The following SUMF1 variants were observed in gnomAD, a reference collection of about 807,000 sequenced individuals.
The protein encoded by SUMF1 is formylglycine-generating enzyme.
In SUMF1, 48 loss-of-function variants were observed where a neutral mutation model predicts 47.6. The observed-to-expected ratio is 1.01, with a 90% CI of 0.80 to 1.28. SUMF1 has a LOEUF of 1.28. SUMF1 is among the 50% of genes most tolerant of loss of function. The pLI, the probability that SUMF1 is intolerant of heterozygous loss-of-function variation, is 0.00. For synonymous variants in SUMF1, 230 were observed against 192.1 expected (o/e 1.20, Z -1.63); for missense variants, 571 against 485.4 (o/e 1.18, Z -1.66).
At chr3:4,260,321 G>C (rs1440004752) in intron 8 of SUMF1, among the ~76,000 whole-genome samples, 6 of 152,078 alleles carry the variant, frequency 3.9e-5, no homozygotes, top group African/African-American at 7.2e-5. Context: ...TTGATACCAG[G>C]CAATAAAACA....
intron 8 of SUMF1, among the ~76,000 whole-genome samples, chr3:4,165,530 A>C (rs2125118081): frequency 6.6e-6 from 1 of 152,218 alleles, no homozygotes; most frequent in African/African-American, 2.4e-5. Context: ...TGGGATGTAG[A>C]TTGCAAACTT....
intron 8 of SUMF1, among the ~76,000 whole-genome samples, chr3:4,302,911 A>G (rs1698007488): frequency 6.6e-6 from 1 of 152,162 alleles, no homozygotes; most frequent in South Asian, 2.1e-4. Context: ...AAATTCCTTA[A>G]GGCACCCTGT....
At chr3:4,432,489 C>A (rs1420641246) in intron 3 of SUMF1, among the ~76,000 whole-genome samples, 1 of 152,074 alleles carries the variant, frequency 6.6e-6, no homozygotes, top group Non-Finnish European at 1.5e-5. Flanking sequence ...TGTAATCCAA[C>A]CCTGCCTACT....
At chr3:4,449,796 C>T (rs887207581) in intron 2 of SUMF1, among the ~76,000 whole-genome samples, 3 of 152,180 alleles carry the variant, frequency 2.0e-5, no homozygotes, top group Admixed American at 2.0e-4. Context: ...TTATAAATCT[C>T]AACTGGCCAA....
At chr3:4,343,643 GT>G (rs1169534861) in intron 8 of SUMF1, among the ~76,000 whole-genome samples, 1 of 152,204 alleles carries the variant, frequency 6.6e-6, no homozygotes, top group East Asian at 1.9e-4. Flanking sequence ...TACCTTGGCT[GT>G]TCTCAAATTA....
At chr3:4,213,577 G>C (rs1445733283) in intron 8 of SUMF1, among the ~76,000 whole-genome samples, 2 of 152,186 alleles carry the variant, frequency 1.3e-5, no homozygotes, top group Non-Finnish European at 2.9e-5. Context: ...AACCATAAAT[G>C]TAAATGGGCT....
intron 9 of SUMF1, among the ~76,000 whole-genome samples, chr3:4,057,378 G>A (rs992718221): frequency 1.5e-5 from 2 of 130,032 alleles, no homozygotes; most frequent in Admixed American, 1.7e-4. Flanking sequence ...GTTTGCTCAT[G>A]ATAAGGGACT....
chr3:4,115,390 C>G (rs1693398514), intron 8 of SUMF1, among the ~76,000 whole-genome samples: 1 of 152,142 alleles, frequency 6.6e-6, no homozygotes, highest in African/African-American at 2.4e-5. Flanking sequence ...ATACAGAAAG[C>G]CCTCTGCCCT....
At chr3:4,223,870 G>A (rs960955561) in intron 8 of SUMF1, among the ~76,000 whole-genome samples, 2 of 152,138 alleles carry the variant, frequency 1.3e-5, no homozygotes, top group Non-Finnish European at 2.9e-5. Context: ...AATACCAACT[G>A]TGCGACCTGG....
Position 4,091,430 on chromosome 3 carries a change from T to C in SUMF1, c.1015-22685A>G, listed in dbSNP as rs113491464. 7.5e-4 allele frequency among the ~76,000 whole-genome samples: 114 copies of C among 152,278 alleles called. 2 individuals are homozygous for C. The highest frequency in any genetic ancestry group is 2.4e-3 in the African/African-American group (101 of 41,522). On this transcript the variant is annotated intron_variant and NMD_transcript_variant, in intron 8 of 12. Transcript: ENST00000448413. ...ATGTGCATGAGGGTGTACGTGCATC[T>C]ATGCAGCAAGGAATTGAATGTACCT...
chr3:4,127,295 G>A (rs1693676495), intron 8 of SUMF1, among the ~76,000 whole-genome samples: 1 of 152,144 alleles, frequency 6.6e-6, no homozygotes, highest in Non-Finnish European at 1.5e-5. Context: ...GGGTGTTGTG[G>A]TGGTTAATAT....
At chr3:4,415,226 CA>C (rs35397535) in intron 6 of SUMF1, among the ~76,000 whole-genome samples, 28,059 of 77,966 alleles carry the variant, frequency 0.36, 2,453 homozygotes, top group Non-Finnish European at 0.43. Flanking sequence ...GACTCCATCT[CA>C]AAAAAAAAAA....
At chr3:4,301,377 A>G (rs1697961176) in intron 8 of SUMF1, among the ~76,000 whole-genome samples, 1 of 152,256 alleles carries the variant, frequency 6.6e-6, no homozygotes, top group Non-Finnish European at 1.5e-5. Context: ...AAGACAGAAT[A>G]TAGAAGGTAA....
chr3:4,326,248 C>T (rs1698942721), intron 8 of SUMF1, among the ~76,000 whole-genome samples: 1 of 152,200 alleles, frequency 6.6e-6, no homozygotes, highest in Non-Finnish European at 1.5e-5. Context: ...GCATAAAGTA[C>T]AGCAAGAATA....
At chr3:4,389,830 A>G (rs927398890) in intron 7 of SUMF1, among the ~76,000 whole-genome samples, 2 of 151,764 alleles carry the variant, frequency 1.3e-5, no homozygotes, top group African/African-American at 2.4e-5. Flanking sequence ...TATATTTTCT[A>G]TTTCTTTGCT....
At chr3:4,255,111 G>C (rs1377132689) in intron 8 of SUMF1, among the ~76,000 whole-genome samples, 4 of 150,566 alleles carry the variant, frequency 2.7e-5, no homozygotes. Flanking sequence ...GCTCCTGAAG[G>C]AAGCACTAAA....
At chr3:4,392,667 A>G (rs191737466) in intron 7 of SUMF1, among the ~76,000 whole-genome samples, 1 of 150,892 alleles carries the variant, frequency 6.6e-6, no homozygotes, top group Admixed American at 6.6e-5. Flanking sequence ...AGAGAGAAAG[A>G]GAGCGAGAGA....
intron 7 of SUMF1, among the ~76,000 whole-genome samples, chr3:4,386,433 A>C (rs138570851): frequency 6.6e-4 from 101 of 152,254 alleles, no homozygotes; most frequent in African/African-American, 2.4e-3. Flanking sequence ...TACAAAAATA[A>C]ACATGTTCAT....
At chr3:4,110,116 T>C (rs1049232303) in intron 8 of SUMF1, among the ~76,000 whole-genome samples, 2 of 152,168 alleles carry the variant, frequency 1.3e-5, no homozygotes, top group Admixed American at 1.3e-4. Flanking sequence ...GTGGATGTCC[T>C]TTCTGTTTGT....
Sources: gnomAD v4.1 joint callset for allele counts (sites outside exome capture counted in the v4.1 genomes callset) on GRCh38, gnomAD v4.1.1 for gene constraint, MANE v1.5 for transcripts, NCBI Gene and HGNC (gene_info 2026-07-23, HGNC 2026-07-21) for gene names.